PNPT1: variants seen among roughly 807,000 people sequenced by gnomAD.
The protein encoded by PNPT1 is polyribonucleotide nucleotidyltransferase 1.
PNPT1 carries 53 observed loss-of-function variants against 119.5 expected under a neutral mutation model. The ratio of observed to expected loss-of-function variants is 0.44; its 90% CI spans 0.36 to 0.56. The LOEUF is 0.56. Ranked by LOEUF, PNPT1 falls within the 20% of genes least tolerant of loss-of-function variation. The pLI is 0.00. For synonymous variants in PNPT1, 357 were observed against 322.1 expected, an observed-to-expected ratio of 1.11 and a Z score of -1.16; for missense variants, 948 against 938.5, an observed-to-expected ratio of 1.01 and a Z score of -0.13.
intron 26 of PNPT1, among the ~76,000 whole-genome samples, chr2:55,640,203 G>C (rs1365706488): frequency 1.3e-5 from 2 of 151,916 alleles, no homozygotes; most frequent in African/African-American, 2.4e-5. Context: ...CGCCAGACTG[G>C]AGTGCAGTGG....
intron 2 of PNPT1, among the ~76,000 whole-genome samples, chr2:55,687,354 C>T (rs929605832): frequency 1.3e-5 from 2 of 151,756 alleles, no homozygotes; most frequent in African/African-American, 4.8e-5. Flanking sequence ...GCAAAAGAAT[C>T]GCTTGAACCC....
At position 55,635,061 on chromosome 2, in the gene PNPT1, T is replaced by C. The variant is rs1389420668; in HGVS notation, c.*1176A>G. The C allele has an allele frequency of 3.3e-5, 5 of 152,160 alleles. No homozygotes were observed. Among genetic ancestry groups the C allele is most frequent in the East Asian group, 3.9e-4 (2 of 5,190 alleles). The allele number at this position is 152,160 out of a possible 1,614,324, so 9.4% of individuals were successfully genotyped here. A position where few individuals can be genotyped will look rare whatever the true frequency, so the allele number is the denominator to read the frequency against. On this transcript the variant is annotated 3_prime_UTR_variant, in exon 28 of 28. Transcript: ENST00000447944. ...CGTACCACTGAGTCCAGTGTATTTT[T>C]ATAAGATTTTAAAAAAGATTACACA...
Position 55,656,209 on chromosome 2 carries a change from C to A in PNPT1, c.1363G>T (p.Glu455Ter). ...RRELGHGALA[E>*]KALYPVIPRD... ...GGAATAACAGGATACAAAGCTTTCT[C>A]AGCAAGAGCACCTAAATTAGAATAG... Residue 455 changes from glutamate to a stop codon, truncating the protein, a stop_gained, in exon 17 of 28, where the codon GAG becomes TAG. Coordinates refer to ENST00000447944, the MANE Select transcript of PNPT1 (RefSeq NM_033109.5). LOFTEE classifies it high-confidence loss of function. The A allele has an allele frequency of 6.2e-7, 1 of 1,613,092 alleles. No individual in the cohort carries two copies. The highest frequency in any genetic ancestry group is 8.5e-7 in the Non-Finnish European group (1 of 1,179,528).
intron 11 of PNPT1, 60 bp downstream of exon 11, chr2:55,671,259 G>T: frequency 1.2e-6 from 1 of 862,998 alleles, no homozygotes; most frequent in Non-Finnish European, 1.7e-6. Flanking sequence ...CAAGAGTCAG[G>T]CCATGCCTTA....
chr2:55,635,441 A>T lies in PNPT1; in HGVS notation c.*796T>A, dbSNP rs1248560399. 1 of 152,038 alleles carries T rather than the reference A, an allele frequency of 6.6e-6. No homozygotes were observed. The highest frequency in any genetic ancestry group is 2.4e-5 in the African/African-American group (1 of 41,342). 9.4% of individuals were successfully genotyped at this position (152,038 alleles called of 1,614,324 possible). A position where few individuals can be genotyped will look rare whatever the true frequency, so the allele number is the denominator to read the frequency against. ...GTGATTCTTCTGCCTCAGCCTCCTG[A>T]GTAGCTAGGATTACAGGCATGCGCC... On this transcript the variant is annotated 3_prime_UTR_variant, in exon 28 of 28. Transcript: ENST00000447944.
intron 8 of PNPT1, among the ~76,000 whole-genome samples, chr2:55,679,185 A>C (rs550403157): frequency 6.6e-6 from 1 of 152,200 alleles, no homozygotes; most frequent in Non-Finnish European, 1.5e-5. Context: ...GCCCATGGTC[A>C]ATGCATTTCT....
intron 18 of PNPT1, among the ~76,000 whole-genome samples, chr2:55,649,365 G>A (rs994719846): frequency 6.6e-6 from 1 of 152,122 alleles, no homozygotes; most frequent in Non-Finnish European, 1.5e-5. Flanking sequence ...GCATTCTTTG[G>A]TTGAAAGCAA....
At chr2:55,687,762 C>T (rs1697459682) in intron 1 of PNPT1, 57 bp from the exon 2 acceptor site, 3 of 1,335,476 alleles carry the variant, frequency 2.2e-6, no homozygotes, top group South Asian at 1.4e-5. Context: ...ACAATTCCTG[C>T]TTAGTATAAA....
In PNPT1 at chr2:55,655,112, A is replaced by T. The variant is rs190655176; in HGVS notation, c.1442-159T>A. 7.7e-3 allele frequency among the ~76,000 whole-genome samples: 1,173 copies of T among 152,300 alleles called. 11 individuals carry two copies. Among genetic ancestry groups the T allele is most frequent in the Non-Finnish European group, 0.012 (838 of 68,024 alleles). On this transcript the variant is annotated intron_variant, in intron 17 of 27. Transcript: ENST00000447944. ...TAAGGCAAGGTCTTTTAAGCTATAA[A>T]CTATGGGGCTGCAAGGTCCAATATG...
Position 55,647,222 on chromosome 2 carries a change from C to T in PNPT1, c.1602+125G>A, listed in dbSNP as rs1174575763. On this transcript the variant is annotated intron_variant, in intron 19 of 27. Transcript: ENST00000447944. ...TACCTGTTCTTCAAATACTAGCATT[C>T]TTCTAAGCATACGCTAGGTGCAAAG... is the stretch of plus-strand genomic sequence containing the variant. 5.9e-6 allele frequency: 4 copies of T among 674,836 alleles called. No homozygotes were observed. In the East Asian group the frequency reaches 8.5e-5, roughly 14 times the overall value. The allele number at this position is 674,836 out of a possible 1,614,324, so 41.8% of individuals were successfully genotyped here. A position where few individuals can be genotyped will look rare whatever the true frequency, so the allele number is the denominator to read the frequency against.
chr2:55,682,332 C>T (rs1327707902), intron 5 of PNPT1, among the ~76,000 whole-genome samples: 2 of 146,938 alleles, frequency 1.4e-5, no homozygotes, highest in African/African-American at 5.1e-5. Flanking sequence ...TGGTGGCAGA[C>T]ACCTGTAATC....
intron 18 of PNPT1, among the ~76,000 whole-genome samples, chr2:55,651,728 C>T (rs1696210271): frequency 6.7e-6 from 1 of 149,416 alleles, no homozygotes; most frequent in Non-Finnish European, 1.5e-5. Flanking sequence ...GTCCTGTGAC[C>T]CTGCCAAATC....
rs747067992 is a variant in PNPT1, at chr2:55,637,559, T to G, written c.2189A>C (p.Glu730Ala). The G allele has an allele frequency of 8.7e-6, 14 of 1,603,618 alleles. No homozygotes were observed. Among genetic ancestry groups the G allele is most frequent in the Middle Eastern group, 1.7e-4 (1 of 6,040 alleles). The change falls in exon 27 of 28, where the codon GAA becomes GCA. Residue 730 changes from glutamate (E) to alanine (A), a missense_variant. Physicochemically the swap from Glu to Ala is moderately radical, Grantham distance 107. Coordinates refer to ENST00000447944, the MANE Select transcript of PNPT1 (RefSeq NM_033109.5). ...AAGGTGGAATACAAATACCTGAATT[T>G]CTTGGCCAACTTCTAATCCTAGGGC... ...PTALGLEVGQ[E>A]IQVKYFGRDP...
chr2:55,681,421 A>T (rs1245443569), intron 5 of PNPT1, among the ~76,000 whole-genome samples: 1 of 151,980 alleles, frequency 6.6e-6, no homozygotes, highest in Non-Finnish European at 1.5e-5. Flanking sequence ...TAAATAAATA[A>T]ACGGGAAAAA....
intron 18 of PNPT1, among the ~76,000 whole-genome samples, chr2:55,650,709 C>A (rs1017188761): frequency 2.0e-5 from 3 of 151,220 alleles, no homozygotes; most frequent in South Asian, 4.2e-4. Flanking sequence ...AGCGTCTCTG[C>A]CCGGCCGCCC....
intron 19 of PNPT1, 57 bp downstream of exon 19, chr2:55,647,290 T>C: frequency 7.4e-7 from 1 of 1,353,976 alleles, no homozygotes; most frequent in Non-Finnish European, 1.0e-6. Context: ...CTTTTAATTT[T>C]TATTTATTTA....
chr2:55,655,671 C>T (rs1454504380), intron 17 of PNPT1, among the ~76,000 whole-genome samples: 1 of 152,188 alleles, frequency 6.6e-6, no homozygotes, highest in African/African-American at 2.4e-5. Context: ...CCTTTAAGAA[C>T]TCCATGACCT....
At chr2:55,650,638 C>A (rs1324160186) in intron 18 of PNPT1, among the ~76,000 whole-genome samples, 3 of 152,028 alleles carry the variant, frequency 2.0e-5, no homozygotes, top group Non-Finnish European at 4.4e-5. Context: ...CTCTGCCCGG[C>A]CGCCCATCGT....
intron 1 of PNPT1, among the ~76,000 whole-genome samples, chr2:55,689,342 A>G (rs1352104254): frequency 6.6e-6 from 1 of 152,252 alleles, no homozygotes; most frequent in African/African-American, 2.4e-5. Context: ...AATATGCTCA[A>G]TATCATTAAC....
Sources: allele counts gnomAD v4.1 joint callset (sites outside exome capture counted in the v4.1 genomes callset), GRCh38; gene constraint gnomAD v4.1.1; transcripts MANE v1.5; gene names NCBI Gene and HGNC (gene_info 2026-07-23, HGNC 2026-07-21).